The following DSCAM variants were observed in gnomAD, a reference collection of about 807,000 sequenced individuals.
DSCAM encodes the protein cell adhesion molecule DSCAM.
In DSCAM, 47 loss-of-function variants were observed where a neutral mutation model predicts 217.7. The ratio of observed to expected loss-of-function variants is 0.22; its 90% CI spans 0.17 to 0.28. The LOEUF (loss-of-function observed/expected upper bound fraction) is 0.28, where lower values mean the gene tolerates loss of function less well. Among genes scored for constraint, DSCAM ranks in the 10% least tolerant of loss-of-function variants. The pLI is 1.00. For synonymous variants in DSCAM, 1,056 were observed against 1,015.3 expected (o/e 1.04, Z -0.76); for missense variants, 2,080 against 2,618.3 (o/e 0.79, Z 4.49).
chr21:40,332,747 C>T (rs767087036), intron 8 of DSCAM, among the ~76,000 whole-genome samples: 4 of 152,144 alleles, frequency 2.6e-5, no homozygotes, highest in Non-Finnish European at 5.9e-5. Flanking sequence ...ACATATATTT[C>T]AGAACTGCTT....
At chr21:40,103,974 A>C (rs548682191) in intron 20 of DSCAM, among the ~76,000 whole-genome samples, 1 of 152,202 alleles carries the variant, frequency 6.6e-6, no homozygotes, top group African/African-American at 2.4e-5. Flanking sequence ...TTTTGCAACT[A>C]TATTAAAGTT....
At chr21:40,437,942 A>G (rs1414008047) in intron 3 of DSCAM, among the ~76,000 whole-genome samples, 2 of 152,220 alleles carry the variant, frequency 1.3e-5, no homozygotes, top group Admixed American at 1.3e-4. Context: ...GCTTGCAGCA[A>G]TGTTCATCTC....
intron 3 of DSCAM, among the ~76,000 whole-genome samples, chr21:40,530,258 C>A (rs2076432760): frequency 6.6e-6 from 1 of 152,204 alleles, no homozygotes; most frequent in Non-Finnish European, 1.5e-5. Flanking sequence ...GGAACTGAAA[C>A]TCCATTTATT....
At chr21:40,675,906 A>C (rs2090332242) in intron 3 of DSCAM, among the ~76,000 whole-genome samples, 1 of 152,220 alleles carries the variant, frequency 6.6e-6, no homozygotes, top group Admixed American at 6.5e-5. Context: ...CTCCTTCTGC[A>C]TAACCATTTT....
chr21:40,163,137 T>G (rs1053333630), intron 16 of DSCAM, among the ~76,000 whole-genome samples: 3 of 149,746 alleles, frequency 2.0e-5, no homozygotes, highest in Non-Finnish European at 4.4e-5. Context: ...GGTAATCACA[T>G]TGTCCTTAAT....
intron 3 of DSCAM, among the ~76,000 whole-genome samples, chr21:40,578,690 G>A (rs2076877243): frequency 6.6e-6 from 1 of 152,164 alleles, no homozygotes. Flanking sequence ...ACCTTTATGA[G>A]CTGTAACACT....
At chr21:40,707,812 T>C (rs764547224) in intron 2 of DSCAM, among the ~76,000 whole-genome samples, 24 of 152,190 alleles carry the variant, frequency 1.6e-4, no homozygotes, top group Non-Finnish European at 3.2e-4. Flanking sequence ...GCCCTTGATG[T>C]CTGTGTATCT....
At chr21:40,567,440 A>T (rs1220707661) in intron 3 of DSCAM, among the ~76,000 whole-genome samples, 2 of 152,244 alleles carry the variant, frequency 1.3e-5, no homozygotes, top group Admixed American at 6.5e-5. Context: ...AAATAATAAC[A>T]ATTTGCTCTA....
chr21:40,421,645 T>C (rs1446038390), intron 3 of DSCAM, among the ~76,000 whole-genome samples: 1 of 152,238 alleles, frequency 6.6e-6, no homozygotes, highest in Non-Finnish European at 1.5e-5. Context: ...ATTTCCGCCA[T>C]CAAGGGGCAT....
chr21:40,047,808 A>C (rs2088866110), intron 30 of DSCAM, among the ~76,000 whole-genome samples: 2 of 152,098 alleles, frequency 1.3e-5, no homozygotes, highest in South Asian at 4.1e-4. Context: ...CACTGGATGC[A>C]CCTCACCCAC....
chr21:40,481,805 T>C (rs2075985335), intron 3 of DSCAM, among the ~76,000 whole-genome samples: 1 of 152,200 alleles, frequency 6.6e-6, no homozygotes. Flanking sequence ...CAGCTGCGTT[T>C]TGGCTCTCCA....
intron 3 of DSCAM, among the ~76,000 whole-genome samples, chr21:40,637,721 G>T (rs984110341): frequency 1.4e-5 from 2 of 142,446 alleles, no homozygotes; most frequent in Non-Finnish European, 3.0e-5. Context: ...CAGCCAGGCT[G>T]GAGTGCAATG....
At chr21:40,021,776 C>T (rs2088277358) in intron 32 of DSCAM, among the ~76,000 whole-genome samples, 1 of 152,168 alleles carries the variant, frequency 6.6e-6, no homozygotes, top group Non-Finnish European at 1.5e-5. Context: ...GTATCACAAG[C>T]TCCTCCTTGC....
rs1047707405 is a variant in DSCAM at position 40,648,285 on chromosome 21, A to T, written c.508+44525T>A. Among the ~76,000 whole-genome samples, 6 of 147,542 alleles carry T rather than the reference A, an allele frequency of 4.1e-5. No homozygotes were observed. In the East Asian group the frequency reaches 1.2e-3, roughly 30 times the overall value. On this transcript the variant is annotated intron_variant, in intron 3 of 32. Transcript: ENST00000400454. ...CACACACACACACACACACACACTC[A>T]CACACTGCTCAGCAAGTTTCTGAAG...
chr21:40,611,057 AT>A (rs527262141), intron 3 of DSCAM, among the ~76,000 whole-genome samples: 3,413 of 129,774 alleles, frequency 0.026, 38 homozygotes, highest in African/African-American at 0.047. Flanking sequence ...TTAGTTTTCA[AT>A]TTTTTTTTTT....
chr21:40,807,052 T>C (rs1382068337), intron 1 of DSCAM, among the ~76,000 whole-genome samples: 5 of 152,172 alleles, frequency 3.3e-5, no homozygotes, highest in Admixed American at 6.5e-5. Flanking sequence ...AGCATGTGTA[T>C]ACCTATGTAA....
intron 3 of DSCAM, among the ~76,000 whole-genome samples, chr21:40,445,993 G>A (rs2075671778): frequency 6.6e-6 from 1 of 152,160 alleles, no homozygotes; most frequent in Non-Finnish European, 1.5e-5. Flanking sequence ...ATGGCTTAAT[G>A]AGGGATCAAC....
intron 3 of DSCAM, among the ~76,000 whole-genome samples, chr21:40,579,892 C>A (rs551667210): frequency 6.6e-6 from 1 of 152,064 alleles, no homozygotes; most frequent in Admixed American, 6.6e-5. Context: ...TGGGATGTCA[C>A]GTAGAAGGTG....
intron 11 of DSCAM, among the ~76,000 whole-genome samples, chr21:40,189,463 C>T (rs1021363711): frequency 2.6e-5 from 4 of 152,310 alleles, no homozygotes; most frequent in East Asian, 1.9e-4. Context: ...TTCATATCCA[C>T]GGCACGTTGC....
Sources: allele counts gnomAD v4.1 joint callset (sites outside exome capture counted in the v4.1 genomes callset), GRCh38; gene constraint gnomAD v4.1.1; transcripts MANE v1.5; gene names NCBI Gene and HGNC (gene_info 2026-07-23, HGNC 2026-07-21).